Variants in OTOG observed in about 807,000 individuals in gnomAD.
OTOG encodes otogelin.
OTOG carries 296 observed loss-of-function variants against 313.8 expected under a neutral mutation model. The observed-to-expected ratio is 0.94, with a 90% CI of 0.86 to 1.04. The LOEUF (loss-of-function observed/expected upper bound fraction) is 1.04, where lower values mean the gene tolerates loss of function less well. Among genes scored for constraint, OTOG ranks in the 50% least tolerant of loss-of-function variants. OTOG has a pLI of 0.00. For missense variants in OTOG, 3,948 were observed against 3,840.1 expected (o/e 1.03, Z -0.74); for synonymous variants, 1,533 against 1,554.9 (o/e 0.99, Z 0.33).
At chr11:17,557,503 C>G (rs1852082082) in intron 8 of OTOG, among the ~76,000 whole-genome samples, 180 bp downstream of exon 8, 1 of 152,184 alleles carries the variant, frequency 6.6e-6, no homozygotes, top group Non-Finnish European at 1.5e-5. Context: ...TGTTCTTAAA[C>G]TACTGTCAAC....
At chr11:17,639,379 G>T (rs1220162817) in intron 48 of OTOG, 44 bp from the exon 49 acceptor site, 2 of 1,546,696 alleles carry the variant, frequency 1.3e-6, no homozygotes, top group Non-Finnish European at 1.7e-6. Flanking sequence ...ATTCCTACCT[G>T]GACATCCCTG....
chr11:17,613,204 TTTC>T (rs1853621195), intron 38 of OTOG, among the ~76,000 whole-genome samples: 1 of 92,984 alleles, frequency 1.1e-5, no homozygotes, highest in East Asian at 3.2e-4. Context: ...CTTTTCTTTC[TTTC>T]TTTCTTTCTT....
intron 24 of OTOG, among the ~76,000 whole-genome samples, chr11:17,587,218 T>C (rs913707150): frequency 6.6e-6 from 1 of 152,190 alleles, no homozygotes; most frequent in African/African-American, 2.4e-5. Context: ...GTAATGTAAG[T>C]GTGCATATGT....
chr11:17,639,741 T>G (rs1330359659), intron 49 of OTOG, among the ~76,000 whole-genome samples: 1 of 152,060 alleles, frequency 6.6e-6, no homozygotes, highest in Non-Finnish European at 1.5e-5. Context: ...GTAGTGATGA[T>G]GGTGGGGACA....
chr11:17,635,658 C>A lies in OTOG; in HGVS notation c.7742C>A (p.Ala2581Glu). The A allele has an allele frequency of 1.3e-6, 2 of 1,550,578 alleles. No homozygotes were observed. Among genetic ancestry groups the A allele is most frequent in the Non-Finnish European group, 1.7e-6 (2 of 1,146,972 alleles). The part of the protein sequence containing the change: ...DSIPECQEGE[A>E]LTVHRNTTEL... Reference sequence around the variant, plus strand: ...ATCCCCGAATGTCAAGAAGGGGAGGCGCTCACTGTGCACAGGAATACCACG... The same window carrying A: ...ATCCCCGAATGTCAAGAAGGGGAGGAGCTCACTGTGCACAGGAATACCACG... The change falls in exon 47 of 56, where the codon GCG (alanine) becomes GAG (glutamate). Residue 2581 changes from alanine (A) to glutamate (E), a missense_variant. Physicochemically the swap from Ala to Glu is moderately radical, Grantham distance 107 (BLOSUM62 -1). Transcript: ENST00000399397.
At chr11:17,616,879 G>A (rs1235191036) in intron 39 of OTOG, among the ~76,000 whole-genome samples, 2 of 152,150 alleles carry the variant, frequency 1.3e-5, no homozygotes, top group African/African-American at 4.8e-5. Flanking sequence ...CACTGGCTAG[G>A]ACCTCTAGTG....
In OTOG at chr11:17,645,817, G is replaced by A. The variant is rs1274499616; in HGVS notation, c.8615G>A (p.Arg2872Gln). The A allele has an allele frequency of 1.2e-5, 18 of 1,551,068 alleles. No homozygotes were observed. The highest frequency in any genetic ancestry group is 4.9e-5 in the East Asian group (2 of 40,914). The part of the protein sequence containing the change: ...IYNYNINTYA[R>Q]FCKCCREVGL... ...AACTACAACATCAACACCTATGCCCGATTCTGCAAGTGCTGCCGTGAGGTG... is the reference window on the plus strand; with the variant it reads ...AACTACAACATCAACACCTATGCCCAATTCTGCAAGTGCTGCCGTGAGGTG... The change falls in exon 56 of 56, where the codon CGA (arginine) becomes CAA (glutamine). Residue 2872 changes from arginine to glutamine, a missense_variant. Transcript: ENST00000399397.
At chr11:17,563,787 C>T (rs1852242547) in intron 15 of OTOG, among the ~76,000 whole-genome samples, 2 of 151,566 alleles carry the variant, frequency 1.3e-5, no homozygotes, top group South Asian at 2.1e-4. Flanking sequence ...CTCAGTCGCT[C>T]TTCCCACCTC....
chr11:17,565,989 A>G (rs538711565), intron 15 of OTOG, among the ~76,000 whole-genome samples: 1 of 152,324 alleles, frequency 6.6e-6, no homozygotes, highest in East Asian at 1.9e-4. Flanking sequence ...CGATGGTATT[A>G]GAATCAAGAT....
intron 38 of OTOG, among the ~76,000 whole-genome samples, chr11:17,613,199 CTT>C (rs796693098): frequency 7.0e-5 from 4 of 57,226 alleles, no homozygotes; most frequent in African/African-American, 2.9e-4. Flanking sequence ...TCTTTCTTTT[CTT>C]TCTTTCTTTC....
chr11:17,557,341 G>T lies in OTOG; in HGVS notation c.865+18G>T, dbSNP rs1484775474. On this transcript the variant is annotated intron_variant, in intron 8 of 55. Coordinates refer to ENST00000399397, the MANE Select transcript of OTOG (RefSeq NM_001292063.2). ...CAGCTCTGGTGAGGGTCAGACAGGTGGCCTCTGAGGGGTGTTGGTGGGGAT... is the reference window on the plus strand; with the variant it reads ...CAGCTCTGGTGAGGGTCAGACAGGTTGCCTCTGAGGGGTGTTGGTGGGGAT... 1 of 1,549,642 alleles carries T rather than the reference G, an allele frequency of 6.5e-7. No homozygotes were observed. The highest frequency in any genetic ancestry group is 1.4e-5 in the African/African-American group (1 of 73,086).
At chr11:17,627,861 G>A (rs1465614508) in intron 39 of OTOG, among the ~76,000 whole-genome samples, 1 of 151,956 alleles carries the variant, frequency 6.6e-6, no homozygotes, top group African/African-American at 2.4e-5. Context: ...CTCTTCTACT[G>A]GCATATAGCT....
At chr11:17,588,334 T>C (rs995391191) in intron 24 of OTOG, among the ~76,000 whole-genome samples, 7 of 152,182 alleles carry the variant, frequency 4.6e-5, no homozygotes, top group Non-Finnish European at 1.0e-4. Flanking sequence ...TGTGTTGCGC[T>C]GGTGTGACTC....
chr11:17,621,319 T>C (rs898113607), intron 39 of OTOG, among the ~76,000 whole-genome samples: 1 of 152,220 alleles, frequency 6.6e-6, no homozygotes, highest in Non-Finnish European at 1.5e-5. Context: ...GTAGCCTTTA[T>C]TCTGAGTGTG....
At chr11:17,613,195 T>TTTCTTTCTTTTCTTTC (rs1401646180) in intron 38 of OTOG, among the ~76,000 whole-genome samples, 1 of 65,368 alleles carries the variant, frequency 1.5e-5, no homozygotes, top group African/African-American at 7.6e-5. Context: ...TCTTTCTTTC[T>TTTCTTTCTTTTCTTTC]TTTCTTTCTT....
chr11:17,548,204 G>T lies in OTOG; in HGVS notation c.208G>T (p.Gly70Ter). ...LAMGDKATVVGGQQAEAPDSV... is the reference protein window; with the variant it reads ...LAMGDKATVV ...CATGGGGGACAAGGCTACAGTCGTG[G>T]GAGGCCAGGTAAGGGAGGTCTTGGG... Residue 70 changes from glycine (G) to a stop codon, truncating the protein, a stop_gained, in exon 3 of 56, where the codon GGA becomes TGA. Transcript: ENST00000399397. LOFTEE classifies it high-confidence loss of function. 10 of 1,547,332 alleles carry T rather than the reference G, an allele frequency of 6.5e-6. No individual in the cohort carries two copies. The highest frequency in any genetic ancestry group is 1.4e-5 in the African/African-American group (1 of 73,084).
chr11:17,621,930 G>T (rs560575060), intron 39 of OTOG, among the ~76,000 whole-genome samples: 52 of 152,302 alleles, frequency 3.4e-4, no homozygotes, highest in Non-Finnish European at 4.4e-4. Context: ...GTTAGAAATG[G>T]AATTCTAAGT....
At chr11:17,627,986 G>A (rs1854026704) in intron 39 of OTOG, among the ~76,000 whole-genome samples, 1 of 151,640 alleles carries the variant, frequency 6.6e-6, no homozygotes, top group Non-Finnish European at 1.5e-5. Context: ...TAGGCTAAAG[G>A]TTTGTCAATT....
In OTOG at chr11:17,574,718, A is replaced by C; in HGVS notation, c.2294-2A>C. On this transcript the variant is annotated splice_acceptor_variant, in intron 19 of 55. Coordinates refer to ENST00000399397, the MANE Select transcript of OTOG (RefSeq NM_001292063.2). LOFTEE classifies it high-confidence loss of function. The stretch of plus-strand genomic sequence containing the variant: ...GCATGCACCACTCCCCCCTCACTGC[A>C]GCACTGTCCTGTGAGGCCTCCAAGG... The C allele has an allele frequency of 6.5e-7, 1 of 1,550,058 alleles. No individual in the cohort carries two copies. Among genetic ancestry groups the C allele is most frequent in the Non-Finnish European group, 8.7e-7 (1 of 1,146,698 alleles).
Sources: allele counts gnomAD v4.1 joint callset (sites outside exome capture counted in the v4.1 genomes callset), GRCh38; gene constraint gnomAD v4.1.1; transcripts MANE v1.5; gene names NCBI Gene and HGNC (gene_info 2026-07-23, HGNC 2026-07-21).